The following CARD8 variants were observed in gnomAD, a reference collection of about 807,000 sequenced individuals.
CARD8 encodes the protein caspase recruitment domain-containing protein 8.
CARD8 carries 38 observed loss-of-function variants against 53.2 expected under a neutral mutation model. The ratio of observed to expected loss-of-function variants is 0.71; its 90% confidence interval spans 0.55 to 0.94. CARD8 has a LOEUF of 0.94. Ranked by LOEUF, CARD8 falls within the 40% of genes least tolerant of loss-of-function variation. The pLI is 0.00. For missense variants in CARD8, 561 were observed against 655.5 expected (o/e 0.86, Z 1.57); for synonymous variants, 245 against 244.9 (o/e 1.00, Z 0.00).
At chr19:48,229,741 G>T (rs574094570) in intron 10 of CARD8, among the ~76,000 whole-genome samples, 1 of 152,354 alleles carries the variant, frequency 6.6e-6, no homozygotes, top group South Asian at 2.1e-4. Context: ...ATTAGAGGGA[G>T]ATGCTACTGA....
chr19:48,221,578 AT>A (rs2040635434), intron 11 of CARD8, 151 bp downstream of exon 11: 1 of 497,962 alleles, frequency 2.0e-6, no homozygotes, highest in Non-Finnish European at 3.5e-6. Flanking sequence ...ATGCAATATG[AT>A]TAATACTATT....
rs2037618304 is a variant in CARD8 at position 48,208,999 on chromosome 19, A to AG, written c.*2710_*2711insC. On this transcript the variant is annotated 3_prime_UTR_variant, in exon 14 of 14. Coordinates refer to ENST00000651546, the MANE Select transcript of CARD8 (RefSeq NM_001184900.3). ...ACTCCATCTCAAAAAAAAAAAAAAA[A>AG]AAAAAAAAATACTCAAATGTGCCAG... 1 of 151,768 alleles carries AG rather than the reference A, an allele frequency of 6.6e-6. No individual in the cohort carries two copies. Among genetic ancestry groups the AG allele is most frequent in the African/African-American group, 2.5e-5 (1 of 40,748 alleles). The allele number at this position is 151,768 out of a possible 1,614,324, so 9.4% of individuals were successfully genotyped here.
chr19:48,232,183 G>C, intron 7 of CARD8: 1 of 573,078 alleles, frequency 1.7e-6, no homozygotes. Flanking sequence ...GAACTCCAAA[G>C]ATGCAGAGGC....
intron 3 of CARD8, among the ~76,000 whole-genome samples, chr19:48,248,890 G>T (rs1262445519): frequency 5.3e-5 from 8 of 152,098 alleles, no homozygotes; most frequent in Non-Finnish European, 1.0e-4. Flanking sequence ...ATGTAAACAT[G>T]GATAAATATT....
Position 48,238,391 on chromosome 19 carries a change from T to C in CARD8, c.201A>G (p.Thr67=). 2.0e-6 allele frequency: 3 copies of C among 1,535,974 alleles called. No individual in the cohort carries two copies. Among genetic ancestry groups the C allele is most frequent in the Non-Finnish European group, 1.7e-6 (2 of 1,146,882 alleles). The change falls in exon 5 of 14, where the codon ACA becomes ACG. Residue 67 remains threonine (T), a synonymous_variant. Transcript: ENST00000651546. ...GIFFQAEACV[T]NDTVYRELPC... ...AAATAGATGTCCCTTACGTATCATT[T>C]GTCACACAGGCCTCAGCCTGAAAAA... is the stretch of plus-strand genomic sequence containing the variant.
chr19:48,215,102 G>A (rs1284047841), intron 13 of CARD8: 6 of 392,136 alleles, frequency 1.5e-5, no homozygotes, highest in East Asian at 4.7e-5. Flanking sequence ...TTGCTGTAAA[G>A]CTTTTTAATA....
At chr19:48,207,744 T>G (rs79583628), downstream of CARD8, among the ~76,000 whole-genome samples, 1 of 90,300 alleles carries the variant, frequency 1.1e-5, no homozygotes, top group Non-Finnish European at 2.6e-5. Context: ...GTTTTTTTTT[T>G]TTTTTTTTTG....
intron 11 of CARD8, among the ~76,000 whole-genome samples, chr19:48,219,806 A>G (rs1481406600): frequency 1.3e-5 from 2 of 151,976 alleles, no homozygotes; most frequent in East Asian, 3.9e-4. Flanking sequence ...CCCCATCTCT[A>G]CTAAAAATAC....
intron 6 of CARD8, chr19:48,232,971 G>A: frequency 2.8e-6 from 1 of 359,370 alleles, no homozygotes; most frequent in Non-Finnish European, 5.4e-6. Flanking sequence ...GCTCCGATTG[G>A]TATCATACGA....
At chr19:48,217,353 A>G (rs181708667) in intron 12 of CARD8, among the ~76,000 whole-genome samples, 1 of 152,330 alleles carries the variant, frequency 6.6e-6, no homozygotes, top group Admixed American at 6.5e-5. Context: ...CTCAGTTGAA[A>G]TTGTTGAAAA....
intron 12 of CARD8, among the ~76,000 whole-genome samples, chr19:48,218,331 C>T (rs1415790033): frequency 1.3e-5 from 2 of 150,458 alleles, no homozygotes; most frequent in Non-Finnish European, 2.9e-5. Context: ...AAGCCCTGCA[C>T]GCATTAGCTA....
chr19:48,242,933 C>T (rs2045455232), intron 3 of CARD8, among the ~76,000 whole-genome samples: 1 of 152,010 alleles, frequency 6.6e-6, no homozygotes, highest in East Asian at 1.9e-4. Flanking sequence ...TGAAAATGGC[C>T]ATTCTAGTAC....
chr19:48,210,825 T>A lies in CARD8; in HGVS notation c.*885A>T, dbSNP rs2037852612. ...GAACTTGTTTTAAACAGATTAAACA[T>A]AAAAGGATGGAAATATGTGTGCCAC... is the stretch of plus-strand genomic sequence containing the variant. On this transcript the variant is annotated 3_prime_UTR_variant, in exon 14 of 14. Transcript: ENST00000651546. The A allele has an allele frequency of 1.3e-5, 2 of 151,286 alleles. No homozygotes were observed. Among genetic ancestry groups the A allele is most frequent in the Admixed American group, 6.6e-5 (1 of 15,218 alleles). 9.4% of individuals were successfully genotyped at this position (151,286 alleles called of 1,614,324 possible).
intron 1 of CARD8, among the ~76,000 whole-genome samples, chr19:48,254,120 T>C (rs1265460864): frequency 6.6e-6 from 1 of 152,132 alleles, no homozygotes; most frequent in African/African-American, 2.4e-5. Context: ...TAATAAATAA[T>C]TGAGCCAGGT....
At chr19:48,206,979 C>G (rs547600030), downstream of CARD8, among the ~76,000 whole-genome samples, 118 of 152,014 alleles carry the variant, frequency 7.8e-4, no homozygotes, top group Non-Finnish European at 1.4e-3. Flanking sequence ...TCTGACTCAC[C>G]CCTAACCTTC....
At position 48,238,544 on chromosome 19, in the gene CARD8, C is replaced by A; in HGVS notation, c.60-12G>T. 6.5e-7 allele frequency: 1 copy of A among 1,536,046 alleles called. No homozygotes were observed. Among genetic ancestry groups the A allele is most frequent in the Non-Finnish European group, 8.7e-7 (1 of 1,146,804 alleles). Reference sequence around the variant, plus strand: ...TGGATCCACTGTCCCTGGGAAAACACAAATGGAATTGGAATGTGAGCATGT... The same window carrying A: ...TGGATCCACTGTCCCTGGGAAAACAAAAATGGAATTGGAATGTGAGCATGT... On this transcript the variant is annotated splice_polypyrimidine_tract_variant and intron_variant, in intron 4 of 13. Transcript: ENST00000651546.
At chr19:48,204,340 T>C (rs2037264359), downstream of CARD8, 1 of 375,146 alleles carries the variant, frequency 2.7e-6, no homozygotes. Context: ...GAGGAATCAG[T>C]CTGCAGTAAG....
chr19:48,251,404 G>A (rs992076109), intron 1 of CARD8, among the ~76,000 whole-genome samples: 1 of 152,102 alleles, frequency 6.6e-6, no homozygotes, highest in African/African-American at 2.4e-5. Flanking sequence ...GGGCAGTTTG[G>A]TAAACTATTG....
chr19:48,213,986 AGTT>A (rs1329263886), intron 13 of CARD8, among the ~76,000 whole-genome samples: 1 of 152,206 alleles, frequency 6.6e-6, no homozygotes, highest in Non-Finnish European at 1.5e-5. Flanking sequence ...TCCCTCTAAC[AGTT>A]TAATTCACAG....
Sources: allele counts gnomAD v4.1 joint callset (sites outside exome capture counted in the v4.1 genomes callset), GRCh38; gene constraint gnomAD v4.1.1; transcripts MANE v1.5; gene names NCBI Gene and HGNC (gene_info 2026-07-23, HGNC 2026-07-21).